Variants in SCHIP1 observed in about 807,000 individuals in gnomAD.
The protein encoded by SCHIP1 is schwannomin interacting protein 1.
SCHIP1 carries 8 observed loss-of-function variants against 29.7 expected under a neutral mutation model. The ratio of observed to expected loss-of-function variants is 0.27; its 90% CI spans 0.16 to 0.49. The LOEUF (loss-of-function observed/expected upper bound fraction) is 0.49, where lower values mean the gene tolerates loss of function less well. Ranked by LOEUF, SCHIP1 falls within the 20% of genes least tolerant of loss-of-function variation. SCHIP1 has a pLI of 0.99. For synonymous variants in SCHIP1, 76 were observed against 94.9 expected, an observed-to-expected ratio of 0.80 and a Z score of 1.16; for missense variants, 193 against 294.6, an observed-to-expected ratio of 0.66 and a Z score of 2.52.
chr3:159,831,181 A>G, the SCHIP1 span, among the ~76,000 whole-genome samples: 2 of 152,206 alleles, frequency 1.3e-5, no homozygotes, highest in African/African-American at 2.4e-5. Context: ...GGTGTCATCA[A>G]TGGGAAATCA....
At chr3:159,744,413 TTCTC>T in the SCHIP1 span, among the ~76,000 whole-genome samples, 6 of 152,150 alleles carry the variant, frequency 3.9e-5, no homozygotes, top group Non-Finnish European at 7.4e-5. Flanking sequence ...ATCTCTTTCT[TTCTC>T]TCTCTCTGTC....
intron 1 of SCHIP1, among the ~76,000 whole-genome samples, chr3:159,850,880 T>C (rs1712534488): frequency 6.6e-6 from 1 of 152,150 alleles, no homozygotes; most frequent in Non-Finnish European, 1.5e-5. Flanking sequence ...ACCTCCAACA[T>C]TGGTGATTAC....
chr3:159,643,715 G>A, the SCHIP1 span, among the ~76,000 whole-genome samples: 14 of 152,174 alleles, frequency 9.2e-5, no homozygotes, highest in African/African-American at 2.4e-5. Context: ...GCTGGGAAAT[G>A]GTTGATCATT....
the SCHIP1 span, among the ~76,000 whole-genome samples, chr3:159,488,148 A>G: frequency 2.0e-5 from 3 of 152,120 alleles, no homozygotes; most frequent in African/African-American, 7.2e-5. Context: ...ATCGAAACAA[A>G]TGAAATCAGA....
chr3:159,664,460 GT>G, the SCHIP1 span, among the ~76,000 whole-genome samples: 13,724 of 148,984 alleles, frequency 0.092, 1,416 homozygotes, highest in African/African-American at 0.26. Flanking sequence ...AACAGCCATA[GT>G]TTTTTTTTTA....
chr3:159,819,616 A>C, the SCHIP1 span, among the ~76,000 whole-genome samples: 1 of 152,244 alleles, frequency 6.6e-6, no homozygotes, highest in Admixed American at 6.5e-5. Context: ...AGTTAAAAAA[A>C]CATTTCCCCT....
chr3:159,287,100 T>C, the SCHIP1 span, among the ~76,000 whole-genome samples: 1 of 152,122 alleles, frequency 6.6e-6, no homozygotes, highest in Non-Finnish European at 1.5e-5. Flanking sequence ...ATTTTTGTTT[T>C]TGTTGGAATT....
the SCHIP1 span, chr3:159,764,543 G>C: frequency 6.3e-7 from 1 of 1,593,904 alleles, no homozygotes; most frequent in Non-Finnish European, 8.5e-7. The surrounding 1 kb of genome is among the most constrained non-coding windows in gnomAD (Gnocchi z 6.1). Flanking sequence ...GTGACCCCTT[G>C]CTCCGAGTGC....
the SCHIP1 span, among the ~76,000 whole-genome samples, chr3:159,536,714 G>T: frequency 6.6e-6 from 1 of 152,124 alleles, no homozygotes; most frequent in African/African-American, 2.4e-5. Flanking sequence ...AGACAAAATA[G>T]GAAGGTCAGT....
At chr3:159,395,199 T>G in the SCHIP1 span, among the ~76,000 whole-genome samples, 15 of 152,272 alleles carry the variant, frequency 9.9e-5, no homozygotes, top group Non-Finnish European at 1.6e-4. Context: ...ATCTATTTGA[T>G]TCTTCTCTCT....
chr3:159,385,575 CA>C, the SCHIP1 span, among the ~76,000 whole-genome samples: 102,588 of 133,118 alleles, frequency 0.77, 38,969 homozygotes, highest in Non-Finnish European at 0.83. Context: ...AACAAACAAA[CA>C]AAAAAAAAAA....
chr3:159,675,465 T>C, the SCHIP1 span, among the ~76,000 whole-genome samples: 1 of 152,248 alleles, frequency 6.6e-6, no homozygotes, highest in South Asian at 2.1e-4. Flanking sequence ...GTCTTTGTTT[T>C]TCACACTCTA....
chr3:159,725,122 C>T, the SCHIP1 span, among the ~76,000 whole-genome samples: 3 of 152,256 alleles, frequency 2.0e-5, no homozygotes, highest in South Asian at 2.1e-4. Context: ...CAGTTTGATG[C>T]GGATGAGGAG....
the SCHIP1 span, among the ~76,000 whole-genome samples, chr3:159,560,716 A>G: frequency 9.4e-4 from 136 of 145,224 alleles, 1 homozygote; most frequent in East Asian, 3.5e-3. Context: ...CCCTTCACTT[A>G]TTACCCTTTT....
the SCHIP1 span, among the ~76,000 whole-genome samples, chr3:159,394,424 C>A: frequency 6.6e-6 from 1 of 152,134 alleles, no homozygotes; most frequent in South Asian, 2.1e-4. Context: ...CAGTGTTTGC[C>A]CATTCAGTAT....
chr3:159,442,730 T>C, the SCHIP1 span, among the ~76,000 whole-genome samples: 1 of 152,034 alleles, frequency 6.6e-6, no homozygotes, highest in Admixed American at 6.6e-5. Flanking sequence ...GGCAGTGGCC[T>C]TGCTAAGAGG....
the SCHIP1 span, among the ~76,000 whole-genome samples, chr3:159,423,623 G>A: frequency 1.4e-5 from 2 of 140,306 alleles, no homozygotes; most frequent in Non-Finnish European, 1.6e-5. Context: ...TCCACCTCTG[G>A]GGGCAGCGCA....
At chr3:159,757,857 A>G in the SCHIP1 span, among the ~76,000 whole-genome samples, 1 of 152,204 alleles carries the variant, frequency 6.6e-6, no homozygotes, top group Non-Finnish European at 1.5e-5. Context: ...CTGACGTTAT[A>G]AGGTTTCCAG....
chr3:159,556,532 T>C, the SCHIP1 span, among the ~76,000 whole-genome samples: 1 of 151,988 alleles, frequency 6.6e-6, no homozygotes, highest in Admixed American at 6.5e-5. Context: ...TGTCCAACAA[T>C]GATAGACTGG....
Sources: allele counts gnomAD v4.1 joint callset (sites outside exome capture counted in the v4.1 genomes callset), GRCh38; gene constraint gnomAD v4.1.1; non-coding constraint Gnocchi (gnomAD v3.1); transcripts MANE v1.5; gene names NCBI Gene and HGNC (gene_info 2026-07-23, HGNC 2026-07-21).